GPATCH8: variants seen among roughly 807,000 people sequenced by gnomAD.
GPATCH8 encodes G-patch domain containing 8.
In GPATCH8, 18 loss-of-function variants were observed where a neutral mutation model predicts 118.3. The observed-to-expected ratio is 0.15, with a 90% CI of 0.11 to 0.23. GPATCH8 has a LOEUF of 0.23. Ranked by LOEUF, GPATCH8 falls within the 10% of genes least tolerant of loss-of-function variation. GPATCH8 has a pLI of 1.00. For synonymous variants in GPATCH8, 659 were observed against 684.7 expected, an observed-to-expected ratio of 0.96 and a Z score of 0.59; for missense variants, 1,631 against 1,873.8, an observed-to-expected ratio of 0.87 and a Z score of 2.39.
chr17:44,457,811 G>A (rs1208018734), intron 3 of GPATCH8, among the ~76,000 whole-genome samples: 1 of 152,136 alleles, frequency 6.6e-6, no homozygotes, highest in Non-Finnish European at 1.5e-5. Flanking sequence ...GCCGGGCGCA[G>A]TGGCTCATGC....
chr17:44,457,314 CAAT>C (rs2051372645), intron 3 of GPATCH8, among the ~76,000 whole-genome samples: 1 of 152,092 alleles, frequency 6.6e-6, no homozygotes. Flanking sequence ...TAATATTTCA[CAAT>C]AATGCCTCAG....
In GPATCH8 at chr17:44,399,177, C is replaced by T. The variant is rs776653476; in HGVS notation, c.2900G>A (p.Arg967His). 4 of 1,611,250 alleles carry T rather than the reference C, an allele frequency of 2.5e-6. No individual in the cohort carries two copies. Among genetic ancestry groups the T allele is most frequent in the South Asian group, 2.2e-5 (2 of 91,032 alleles). Reference protein sequence around the residue: ...RGRSRSSSCSRSRSKRRSRST... With the variant: ...RGRSRSSSCSHSRSKRRSRST... ...ACGGCTTCTCCGCTTGCTTCGACTA[C>T]GACTACAACTGCTGCTGCGGCTGCG... The change falls in exon 8 of 8, where the codon CGT (arginine) becomes CAT (histidine). Residue 967 changes from arginine (R) to histidine (H), a missense_variant. Physicochemically the swap from Arg to His is conservative, Grantham distance 29 (BLOSUM62 0). Around this residue, in one of 8 missense-constraint regions of GPATCH8, gnomAD observed 922 missense variants for 879.7 expected, o/e 1.05. Coordinates refer to ENST00000591680, the MANE Select transcript of GPATCH8 (RefSeq NM_001002909.4).
At chr17:44,466,209 T>C (rs1398141216) in intron 2 of GPATCH8, among the ~76,000 whole-genome samples, 3 of 152,078 alleles carry the variant, frequency 2.0e-5, no homozygotes, top group African/African-American at 7.2e-5. Flanking sequence ...GGTTTCACTA[T>C]GTTGCCCACG....
At chr17:44,452,138 T>C (rs1199873747) in intron 3 of GPATCH8, among the ~76,000 whole-genome samples, 3 of 151,668 alleles carry the variant, frequency 2.0e-5, no homozygotes, top group Non-Finnish European at 4.4e-5. Flanking sequence ...TCAGGTGTGG[T>C]GGCATGCACC....
intron 3 of GPATCH8, among the ~76,000 whole-genome samples, chr17:44,442,118 T>G (rs1193885981): frequency 7.0e-4 from 98 of 140,916 alleles, no homozygotes; most frequent in African/African-American, 1.1e-3. Flanking sequence ...CATATATATA[T>G]ATATAGAGAG....
chr17:44,449,513 CTTT>C (rs752494488), intron 3 of GPATCH8, among the ~76,000 whole-genome samples: 1 of 124,776 alleles, frequency 8.0e-6, no homozygotes. Flanking sequence ...TCAGAATCTA[CTTT>C]TTTTTTTTTT....
rs35896733 is a variant in GPATCH8, at chr17:44,482,622, G to A, written c.46-7719C>T. Reference sequence around the variant, plus strand: ...ACCAAACCTAGATGACGGGTTCGTAGGTGCAGCAAACCACCATGGTACATG... The same window carrying A: ...ACCAAACCTAGATGACGGGTTCGTAAGTGCAGCAAACCACCATGGTACATG... On this transcript the variant is annotated intron_variant, in intron 1 of 7. Transcript: ENST00000591680. Among the ~76,000 whole-genome samples, 492 of 149,820 alleles carry A rather than the reference G, an allele frequency of 3.3e-3. 3 individuals carry two copies. Among genetic ancestry groups the A allele is most frequent in the African/African-American group, 0.012 (477 of 40,708 alleles).
intron 1 of GPATCH8, among the ~76,000 whole-genome samples, chr17:44,481,657 C>T (rs942122175): frequency 2.6e-5 from 4 of 151,902 alleles, no homozygotes; most frequent in East Asian, 3.9e-4. Context: ...TGTAAATGGG[C>T]GAATTTCACT....
chr17:44,410,307 G>A (rs2049384044), intron 6 of GPATCH8, among the ~76,000 whole-genome samples: 1 of 152,170 alleles, frequency 6.6e-6, no homozygotes, highest in South Asian at 2.1e-4. Context: ...TTCTTCAGGT[G>A]AGAATAGAGA....
chr17:44,466,982 T>G (rs1027816123), intron 2 of GPATCH8: 2 of 332,620 alleles, frequency 6.0e-6, no homozygotes, highest in Admixed American at 5.7e-5. Context: ...TAAGTGGAGA[T>G]GAGACATTAT....
At position 44,467,047 on chromosome 17, in the gene GPATCH8, T is replaced by A. The variant is rs748818856; in HGVS notation, c.121-2503A>T. 3.4e-5 allele frequency: 30 copies of A among 882,874 alleles called. No homozygotes were observed. In the African/African-American group the frequency reaches 5.0e-4, roughly 15 times the overall value. The allele number at this position is 882,874 out of a possible 1,614,324, so 54.7% of individuals were successfully genotyped here. ...AAATAAACAGACAGATGAAGCAGTA[T>A]GCTATTTCCAAAAGCAGTGCAAGTG... On this transcript the variant is annotated intron_variant, in intron 2 of 7. Coordinates refer to ENST00000591680, the MANE Select transcript of GPATCH8 (RefSeq NM_001002909.4).
At chr17:44,406,194 T>C in intron 6 of GPATCH8, 143 bp from the exon 7 acceptor site, 1 of 684,584 alleles carries the variant, frequency 1.5e-6, no homozygotes, top group Non-Finnish European at 2.6e-6. Context: ...TTATGGCAAT[T>C]GAAAACACAA....
intron 1 of GPATCH8, among the ~76,000 whole-genome samples, chr17:44,478,487 T>C (rs1350408236): frequency 2.0e-5 from 3 of 151,898 alleles, no homozygotes; most frequent in Non-Finnish European, 4.4e-5. Context: ...AGACCTTGTC[T>C]ATACAAAAAA....
chr17:44,450,794 G>T (rs933680711), intron 3 of GPATCH8, among the ~76,000 whole-genome samples: 2 of 152,092 alleles, frequency 1.3e-5, no homozygotes, highest in Non-Finnish European at 2.9e-5. Context: ...AGAATAAAGA[G>T]ATTCCACTAA....
intron 1 of GPATCH8, among the ~76,000 whole-genome samples, chr17:44,492,978 G>T (rs11867692): frequency 0.4 from 60,665 of 150,906 alleles, 13,531 homozygotes; most frequent in Middle Eastern, 0.52. Context: ...ACAGTGAAAA[G>T]ACAAGCAAGA....
chr17:44,414,115 A>ATGTATATATATATATG (rs2049570685), intron 6 of GPATCH8, among the ~76,000 whole-genome samples: 1 of 83,466 alleles, frequency 1.2e-5, no homozygotes, highest in Non-Finnish European at 2.6e-5. Flanking sequence ...GTATATATAT[A>ATGTATATATATATATG]TGTATATATA....
chr17:44,431,378 GAAAAAAA>G (rs776468380), intron 5 of GPATCH8, among the ~76,000 whole-genome samples: 4 of 47,794 alleles, frequency 8.4e-5, no homozygotes, highest in East Asian at 5.6e-4. Context: ...TCTCAAAAAG[GAAAAAAA>G]AAAAAAAAAA....
chr17:44,439,314 C>T (rs2050613010), intron 3 of GPATCH8, among the ~76,000 whole-genome samples: 1 of 152,196 alleles, frequency 6.6e-6, no homozygotes. Flanking sequence ...CAGAACTTTG[C>T]TTCCTGTTAA....
At chr17:44,437,970 A>G (rs2144057334) in intron 3 of GPATCH8, among the ~76,000 whole-genome samples, 1 of 150,992 alleles carries the variant, frequency 6.6e-6, no homozygotes, top group African/African-American at 2.4e-5. Context: ...CAAAACAACA[A>G]CTTCTAGAAT....
Sources: gnomAD v4.1 joint callset for allele counts (sites outside exome capture counted in the v4.1 genomes callset) on GRCh38, gnomAD v4.1.1 for gene constraint, gnomAD v4.1.1 regional missense constraint, MANE v1.5 for transcripts, NCBI Gene and HGNC (gene_info 2026-07-23, HGNC 2026-07-21) for gene names.